The following SDK1 variants were observed in gnomAD, a reference collection of about 807,000 sequenced individuals.
The protein encoded by SDK1 is protein sidekick-1.
In SDK1, 157 loss-of-function variants were observed where a neutral mutation model predicts 245.5. That is an observed-to-expected ratio of 0.64 (90% CI 0.56 to 0.73). The LOEUF (loss-of-function observed/expected upper bound fraction) is 0.73, where lower values mean the gene tolerates loss of function less well. Ranked by LOEUF, SDK1 falls within the 30% of genes least tolerant of loss-of-function variation. SDK1 has a pLI of 0.00. For missense variants in SDK1, 3,583 were observed against 3,002.3 expected, an observed-to-expected ratio of 1.19 and a Z score of -4.52; for synonymous variants, 1,647 against 1,278.5, an observed-to-expected ratio of 1.29 and a Z score of -6.15.
At chr7:3,511,487 A>G (rs186738959) in intron 1 of SDK1, among the ~76,000 whole-genome samples, 3 of 152,156 alleles carry the variant, frequency 2.0e-5, no homozygotes, top group Non-Finnish European at 4.4e-5. Context: ...TTCCTGTTTA[A>G]TGAACATTTA....
chr7:4,262,373 C>A (rs1233138434), intron 44 of SDK1, among the ~76,000 whole-genome samples: 1 of 151,422 alleles, frequency 6.6e-6, no homozygotes, highest in African/African-American at 2.4e-5. Context: ...ACCGAAAGAC[C>A]ATAAAATAGA....
At chr7:3,742,893 G>T (rs1259530148) in intron 4 of SDK1, among the ~76,000 whole-genome samples, 1 of 152,144 alleles carries the variant, frequency 6.6e-6, no homozygotes, top group Non-Finnish European at 1.5e-5. Flanking sequence ...AGGAATTTTT[G>T]CAAGCAAAGA....
rs1446505221 is a variant in SDK1, at chr7:4,206,022, C to G, written c.5214+28C>G. 2.1e-6 allele frequency: 3 copies of G among 1,438,758 alleles called. No homozygotes were observed. In the African/African-American group the frequency reaches 4.3e-5, roughly 20 times the overall value. 89.1% of individuals were successfully genotyped at this position (1,438,758 alleles called of 1,614,324 possible). On this transcript the variant is annotated intron_variant, in intron 36 of 44. Coordinates refer to ENST00000404826, the MANE Select transcript of SDK1 (RefSeq NM_152744.4). ...AAGGCCCTCCCGTGCGGTTGCCTCCCCTGGCTCGCTTGGGCACCCCTCGTT... is the reference window on the plus strand; with the variant it reads ...AAGGCCCTCCCGTGCGGTTGCCTCCGCTGGCTCGCTTGGGCACCCCTCGTT...
chr7:3,516,052 A>G (rs892508878), intron 1 of SDK1, among the ~76,000 whole-genome samples: 1 of 151,954 alleles, frequency 6.6e-6, no homozygotes, highest in Non-Finnish European at 1.5e-5. Context: ...CAATGCATGA[A>G]GTTGAAAATG....
At chr7:3,878,823 C>G (rs1165709395) in intron 5 of SDK1, among the ~76,000 whole-genome samples, 1 of 151,862 alleles carries the variant, frequency 6.6e-6, no homozygotes, top group Non-Finnish European at 1.5e-5. Flanking sequence ...TCAGGGCAGC[C>G]CTGTGACATT....
chr7:4,056,897 C>T (rs1779239808), intron 19 of SDK1, among the ~76,000 whole-genome samples: 1 of 152,184 alleles, frequency 6.6e-6, no homozygotes, highest in Non-Finnish European at 1.5e-5. Flanking sequence ...CCGACAGCCT[C>T]TGCATCTCCA....
chr7:3,775,677 C>T lies in SDK1; in HGVS notation c.714-45773C>T, dbSNP rs144008237. The stretch of plus-strand genomic sequence containing the variant: ...CTCCAAGCTCTGCTTCCCGGGTTCA[C>T]GCCATTCTCCTGCCTCAGCCTCCCG... On this transcript the variant is annotated intron_variant, in intron 4 of 44. Coordinates refer to ENST00000404826, the MANE Select transcript of SDK1 (RefSeq NM_152744.4). Among the ~76,000 whole-genome samples the T allele has an allele frequency of 2.4e-4, 37 of 151,800 alleles. No individual in the cohort carries two copies. In the East Asian group the frequency reaches 5.5e-3, roughly 22 times the overall value.
At chr7:3,505,160 A>G (rs1195898913) in intron 1 of SDK1, among the ~76,000 whole-genome samples, 1 of 152,224 alleles carries the variant, frequency 6.6e-6, no homozygotes, top group Non-Finnish European at 1.5e-5. Flanking sequence ...CTTTTAGGTC[A>G]ATTGAATATT....
chr7:4,091,002 G>A (rs1402628608), intron 22 of SDK1, among the ~76,000 whole-genome samples: 1 of 152,096 alleles, frequency 6.6e-6, no homozygotes, highest in South Asian at 2.1e-4. Context: ...ATCAAAGTGG[G>A]CTGCTGCCCT....
intron 4 of SDK1, among the ~76,000 whole-genome samples, chr7:3,816,129 C>T (rs28763305): frequency 0.16 from 21,951 of 133,198 alleles, 1,883 homozygotes; most frequent in Middle Eastern, 0.28. Flanking sequence ...ACTAAATGCC[C>T]ACAAGAGAAA....
chr7:3,744,536 G>A (rs140058676), intron 4 of SDK1, among the ~76,000 whole-genome samples: 2,025 of 152,242 alleles, frequency 0.013, 16 homozygotes, highest in Middle Eastern at 0.024. Context: ...GACAGGCCAG[G>A]CATGGTGGCT....
chr7:3,602,091 G>A (rs1015110810), intron 1 of SDK1, among the ~76,000 whole-genome samples: 17 of 151,952 alleles, frequency 1.1e-4, no homozygotes, highest in Non-Finnish European at 2.1e-4. Context: ...TGGACATTTA[G>A]GTTGGTTCCA....
At chr7:3,920,140 G>A (rs192089366) in intron 5 of SDK1, among the ~76,000 whole-genome samples, 206 of 152,294 alleles carry the variant, frequency 1.4e-3, no homozygotes, top group African/African-American at 4.7e-3. Context: ...GGTCGTGTCC[G>A]GGAAAATGAT....
intron 1 of SDK1, among the ~76,000 whole-genome samples, chr7:3,594,690 A>G (rs559977816): frequency 2.6e-5 from 4 of 152,298 alleles, no homozygotes; most frequent in Non-Finnish European, 4.4e-5. Flanking sequence ...TAATTTTCCC[A>G]GTGACTAATG....
chr7:3,490,999 T>A (rs1781848272), intron 1 of SDK1, among the ~76,000 whole-genome samples: 1 of 152,226 alleles, frequency 6.6e-6, no homozygotes, highest in Non-Finnish European at 1.5e-5. Flanking sequence ...AACAGACTGA[T>A]CACCTTGCCT....
chr7:3,882,321 C>T (rs912700318), intron 5 of SDK1, among the ~76,000 whole-genome samples: 7 of 152,186 alleles, frequency 4.6e-5, no homozygotes, highest in Non-Finnish European at 8.8e-5. Flanking sequence ...CTTGAAATGC[C>T]TTTCACTCCT....
chr7:3,758,100 T>A (rs1268309655), intron 4 of SDK1, among the ~76,000 whole-genome samples: 1 of 152,176 alleles, frequency 6.6e-6, no homozygotes, highest in Non-Finnish European at 1.5e-5. Context: ...CAGAGGGCAG[T>A]TAAGTTCCAC....
At chr7:3,641,833 C>G in intron 3 of SDK1, 125 bp from the exon 4 acceptor site, 11 of 776,258 alleles carry the variant, frequency 1.4e-5, no homozygotes, top group East Asian at 2.7e-5. Flanking sequence ...CAGTCTCGCT[C>G]GTCCTGGTGT....
intron 1 of SDK1, among the ~76,000 whole-genome samples, chr7:3,369,081 G>T (rs1029171123): frequency 6.6e-6 from 1 of 150,830 alleles, no homozygotes; most frequent in Non-Finnish European, 1.5e-5. Context: ...GTCTTGCTCT[G>T]TTGGCCAGGC....
Sources: gnomAD v4.1 joint callset for allele counts (sites outside exome capture counted in the v4.1 genomes callset) on GRCh38, gnomAD v4.1.1 for gene constraint, MANE v1.5 for transcripts, NCBI Gene and HGNC (gene_info 2026-07-23, HGNC 2026-07-21) for gene names.